DNAJC3: variants seen among roughly 807,000 people sequenced by gnomAD.
The protein encoded by DNAJC3 is DnaJ heat shock protein family (Hsp40) member C3.
A neutral mutation model predicts 68.6 loss-of-function variants in DNAJC3; 38 were observed. The observed-to-expected ratio is 0.55, with a 90% CI of 0.43 to 0.73. The LOEUF (loss-of-function observed/expected upper bound fraction) is 0.73. Among genes scored for constraint, DNAJC3 ranks in the 30% least tolerant of loss-of-function variants. The probability of loss-of-function intolerance (pLI) is 0.00; values close to 1 mark genes in which losing one functional copy is unlikely to be tolerated. For synonymous variants in DNAJC3, 203 were observed against 204.0 expected, an observed-to-expected ratio of 1.00 and a Z score of 0.04; for missense variants, 526 against 591.9, an observed-to-expected ratio of 0.89 and a Z score of 1.16.
At chr13:95,681,665 C>G (rs1879919035) in intron 1 of DNAJC3, among the ~76,000 whole-genome samples, 1 of 152,192 alleles carries the variant, frequency 6.6e-6, no homozygotes, top group Non-Finnish European at 1.5e-5. Flanking sequence ...TGATTAGTCT[C>G]ATTTTAAAGA....
chr13:95,690,848 C>T (rs1880221791), intron 1 of DNAJC3, among the ~76,000 whole-genome samples: 1 of 142,126 alleles, frequency 7.0e-6, no homozygotes, highest in Non-Finnish European at 1.6e-5. Flanking sequence ...GGGCTCCTCA[C>T]TTCCCAGTAG....
chr13:95,777,102 C>A (rs954711809), intron 9 of DNAJC3, among the ~76,000 whole-genome samples: 1 of 152,088 alleles, frequency 6.6e-6, no homozygotes, highest in African/African-American at 2.4e-5. Flanking sequence ...GAGAATTTTC[C>A]CTGCTTTCTT....
intron 9 of DNAJC3, among the ~76,000 whole-genome samples, chr13:95,782,409 C>G (rs1456390564): frequency 6.6e-6 from 1 of 152,194 alleles, no homozygotes; most frequent in African/African-American, 2.4e-5. Flanking sequence ...AACTAATTTA[C>G]TCTCCCACCA....
chr13:95,751,399 A>G (rs1165502808), intron 4 of DNAJC3, among the ~76,000 whole-genome samples: 13 of 152,204 alleles, frequency 8.5e-5, no homozygotes, highest in Admixed American at 3.3e-4. Flanking sequence ...ACTACATAGG[A>G]GACCCACTTC....
chr13:95,785,979 T>G lies in DNAJC3; in HGVS notation c.1116T>G (p.Asn372Lys), dbSNP rs1386808191. The change falls in exon 10 of 12, where the codon AAT becomes AAG. Residue 372 changes from asparagine to lysine, a missense_variant. Coordinates refer to ENST00000602402, the MANE Select transcript of DNAJC3 (RefSeq NM_006260.5). ...AAACTGCTCAGGAACACAATGAAAA[T>G]GATCAGCAGATTCGAGAAGGTCTAG... ...DYETAQEHNE[N>K]DQQIREGLEK... The G allele has an allele frequency of 5.6e-6, 9 of 1,610,800 alleles. No homozygotes were observed. The highest frequency in any genetic ancestry group is 1.7e-4 in the Middle Eastern group (1 of 6,054).
intron 2 of DNAJC3, among the ~76,000 whole-genome samples, chr13:95,722,578 G>C (rs1227674246): frequency 6.7e-6 from 1 of 150,356 alleles, no homozygotes; most frequent in Non-Finnish European, 1.5e-5. Flanking sequence ...TTCAAGACCA[G>C]CTTAGGCAAC....
intron 6 of DNAJC3, among the ~76,000 whole-genome samples, 191 bp from the exon 7 acceptor site, chr13:95,760,488 A>G (rs1393725552): frequency 1.3e-5 from 2 of 152,236 alleles, no homozygotes; most frequent in Non-Finnish European, 2.9e-5. Flanking sequence ...CTAGTAAGTC[A>G]TTTTAATTTG....
intron 4 of DNAJC3, among the ~76,000 whole-genome samples, chr13:95,740,784 C>T (rs1015849938): frequency 3.0e-4 from 45 of 151,860 alleles, no homozygotes; most frequent in Non-Finnish European, 4.6e-4. Context: ...GCGTCGCTCA[C>T]GCTGGGAGCT....
At chr13:95,729,181 TTCTC>T (rs34173455) in intron 4 of DNAJC3, among the ~76,000 whole-genome samples, 45 of 134,606 alleles carry the variant, frequency 3.3e-4, no homozygotes, top group Middle Eastern at 3.9e-3. Context: ...CATTCACTCA[TTCTC>T]TCTCTCTCTC....
chr13:95,776,383 G>C (rs1232504048), intron 9 of DNAJC3, among the ~76,000 whole-genome samples: 2 of 152,168 alleles, frequency 1.3e-5, no homozygotes, highest in Non-Finnish European at 2.9e-5. Flanking sequence ...CACCTGTGGT[G>C]TAAAAGTTTG....
intron 4 of DNAJC3, among the ~76,000 whole-genome samples, chr13:95,751,982 C>T (rs921294432): frequency 6.6e-6 from 1 of 152,186 alleles, no homozygotes; most frequent in Non-Finnish European, 1.5e-5. Flanking sequence ...ATACAATTAC[C>T]TCCCACCAGG....
intron 1 of DNAJC3, among the ~76,000 whole-genome samples, chr13:95,705,077 C>T (rs1880694865): frequency 6.6e-6 from 1 of 152,004 alleles, no homozygotes; most frequent in Non-Finnish European, 1.5e-5. Context: ...GTCTTGAATT[C>T]CTGACCTCAG....
At chr13:95,781,371 G>A (rs1337462588) in intron 9 of DNAJC3, among the ~76,000 whole-genome samples, 7 of 152,036 alleles carry the variant, frequency 4.6e-5, no homozygotes, top group Non-Finnish European at 8.8e-5. Context: ...GAGGGTCCTC[G>A]GCCAAAGATA....
At chr13:95,717,428 C>T (rs1038996990) in intron 2 of DNAJC3, among the ~76,000 whole-genome samples, 2 of 152,188 alleles carry the variant, frequency 1.3e-5, no homozygotes, top group African/African-American at 4.8e-5. Flanking sequence ...AGGTGATATT[C>T]CAGTTCAAAA....
chr13:95,775,749 A>G (rs1883274274), intron 9 of DNAJC3, among the ~76,000 whole-genome samples: 1 of 152,128 alleles, frequency 6.6e-6, no homozygotes, highest in Non-Finnish European at 1.5e-5. Flanking sequence ...ATCCTTAGAG[A>G]AGGAGATGCA....
chr13:95,765,694 C>T (rs17885047), intron 9 of DNAJC3, among the ~76,000 whole-genome samples: 1,889 of 151,462 alleles, frequency 0.012, 53 homozygotes, highest in African/African-American at 0.043. Context: ...GCCTCAGCCT[C>T]CTGAGTAGCT....
chr13:95,726,343 C>G (rs146306161), intron 4 of DNAJC3, among the ~76,000 whole-genome samples: 1 of 152,286 alleles, frequency 6.6e-6, no homozygotes, highest in Non-Finnish European at 1.5e-5. Context: ...CCTGTTGTTT[C>G]CTGACTTTTT....
intron 9 of DNAJC3, among the ~76,000 whole-genome samples, chr13:95,777,560 ATTTAG>A (rs1361057301): frequency 1.3e-5 from 2 of 152,186 alleles, no homozygotes; most frequent in African/African-American, 4.8e-5. Context: ...ATTTTATATA[ATTTAG>A]TTAAGTCAAA....
chr13:95,677,278 C>T lies in DNAJC3; in HGVS notation c.23C>T (p.Thr8Ile), dbSNP rs369402632. The T allele has an allele frequency of 4.6e-5, 73 of 1,602,720 alleles. No homozygotes were observed. The African/African-American group carries it at 8.2e-4, about 18-fold the overall frequency. Residue 8 changes from threonine (T) to isoleucine (I), a missense_variant, in exon 1 of 12, where the codon ACC becomes ATC. Thr to Ile is a moderately conservative substitution (Grantham distance 89). Transcript: ENST00000602402. ...GACATGGTGGCCCCCGGCTCCGTGA[C>T]CAGCCGGCTGGGCTCGGTATTCCCC... MVAPGSV[T>I]SRLGSVFPFL...
Sources: allele counts gnomAD v4.1 joint callset (sites outside exome capture counted in the v4.1 genomes callset), GRCh38; gene constraint gnomAD v4.1.1; transcripts MANE v1.5; gene names NCBI Gene and HGNC (gene_info 2026-07-23, HGNC 2026-07-21).